TCAF1: variants seen among roughly 807,000 people sequenced by gnomAD.
TCAF1 encodes TRPM8 channel associated factor 1, also known as TRPM8 channel-associated factor 1.
TCAF1 carries 4 observed loss-of-function variants against 27.3 expected under a neutral mutation model. That is an observed-to-expected ratio of 0.15 (90% CI 0.07 to 0.34). TCAF1 has a LOEUF of 0.34. TCAF1 is among the 10% of genes least tolerant of loss of function. TCAF1 has a pLI of 1.00. For synonymous variants in TCAF1, 105 were observed against 167.1 expected, an observed-to-expected ratio of 0.63 and a Z score of 2.87; for missense variants, 257 against 425.8, an observed-to-expected ratio of 0.60 and a Z score of 3.49.
intron 1 of TCAF1, among the ~76,000 whole-genome samples, chr7:143,891,378 G>A (rs186140495): frequency 6.6e-6 from 1 of 152,064 alleles, no homozygotes; most frequent in East Asian, 1.9e-4. Flanking sequence ...TGATTCATAC[G>A]TTAAGAAATT....
intron 1 of TCAF1, among the ~76,000 whole-genome samples, chr7:143,883,417 AAAT>A (rs1001041357): frequency 2.0e-5 from 3 of 152,122 alleles, no homozygotes; most frequent in African/African-American, 7.2e-5. Context: ...TGTAAATTAA[AAAT>A]AATATACAGT....
intron 1 of TCAF1, among the ~76,000 whole-genome samples, chr7:143,895,762 C>A (rs1029992234): frequency 6.6e-6 from 1 of 151,326 alleles, no homozygotes; most frequent in Non-Finnish European, 1.5e-5. Flanking sequence ...TACTAAGGAT[C>A]AATTTAACTT....
chr7:143,860,026 AT>A (rs1563212267), intron 6 of TCAF1, among the ~76,000 whole-genome samples, 181 bp downstream of exon 6: 21,951 of 63,520 alleles, frequency 0.35, 7,087 homozygotes, highest in South Asian at 0.54. Context: ...TATATTATAT[AT>A]TATATATATA....
intron 2 of TCAF1, among the ~76,000 whole-genome samples, chr7:143,875,273 T>C (rs2116768282): frequency 6.6e-6 from 1 of 152,302 alleles, no homozygotes; most frequent in East Asian, 1.9e-4. Flanking sequence ...ATAATCCCTC[T>C]CATTCATTCA....
intron 1 of TCAF1, among the ~76,000 whole-genome samples, chr7:143,891,278 G>T (rs530982233): frequency 6.6e-6 from 1 of 152,144 alleles, no homozygotes; most frequent in African/African-American, 2.4e-5. Flanking sequence ...TAAAAAAACA[G>T]AATAAGTTGC....
At chr7:143,901,088 G>GA (rs1814091185) in intron 1 of TCAF1, among the ~76,000 whole-genome samples, 1 of 152,192 alleles carries the variant, frequency 6.6e-6, no homozygotes, top group African/African-American at 2.4e-5. Flanking sequence ...AAGGTACTGT[G>GA]ACGCCCTATT....
chr7:143,859,914 C>T (rs6959576), intron 6 of TCAF1, among the ~76,000 whole-genome samples: 24,683 of 36,072 alleles, frequency 0.68, 7,485 homozygotes, highest in South Asian at 0.78. Flanking sequence ...ATATATATTA[C>T]GGAATATATA....
At chr7:143,890,020 G>A (rs1227461584) in intron 1 of TCAF1, among the ~76,000 whole-genome samples, 5 of 147,792 alleles carry the variant, frequency 3.4e-5, no homozygotes, top group East Asian at 2.0e-4. Context: ...ACGGAGTCTC[G>A]CTCTGTTGCC....
At chr7:143,877,430 T>C (rs980862979) in intron 1 of TCAF1, among the ~76,000 whole-genome samples, 2 of 152,146 alleles carry the variant, frequency 1.3e-5, no homozygotes, top group Admixed American at 1.3e-4. Context: ...AAAAGGTTCT[T>C]TGGTCAAAGC....
intron 1 of TCAF1, among the ~76,000 whole-genome samples, chr7:143,888,232 G>A (rs538208450): frequency 6.6e-6 from 1 of 152,292 alleles, no homozygotes; most frequent in South Asian, 2.1e-4. Context: ...TAGGAAAGTA[G>A]AGAGTACACA....
chr7:143,878,355 A>T (rs181285106), intron 1 of TCAF1, among the ~76,000 whole-genome samples: 16 of 152,276 alleles, frequency 1.1e-4, no homozygotes, highest in Non-Finnish European at 2.4e-4. Context: ...TACCATACTA[A>T]TACTAACACT....
intron 1 of TCAF1, among the ~76,000 whole-genome samples, chr7:143,898,068 ATACTT>A (rs1554395877): frequency 1.3e-5 from 2 of 152,264 alleles, no homozygotes; most frequent in South Asian, 2.1e-4. Context: ...ATTAAATACT[ATACTT>A]TACTATGTTG....
chr7:143,882,632 C>A, intron 1 of TCAF1: 13 of 983,906 alleles, frequency 1.3e-5, no homozygotes, highest in Non-Finnish European at 1.6e-5. Context: ...CCCGCACCCC[C>A]GCCCCGGCCT....
chr7:143,882,382 G>C (rs1352740770), intron 1 of TCAF1: 1 of 985,256 alleles, frequency 1.0e-6, no homozygotes, highest in African/African-American at 1.7e-5. Flanking sequence ...CTTCTCATCC[G>C]ACAAAGCAGC....
intron 1 of TCAF1, among the ~76,000 whole-genome samples, chr7:143,895,598 ATTAT>A (rs1332533175): frequency 6.6e-6 from 1 of 151,686 alleles, no homozygotes; most frequent in Non-Finnish European, 1.5e-5. Context: ...CTGTACACTT[ATTAT>A]TTGTGAACCT....
At position 143,885,450 on chromosome 7, in the gene TCAF1, G is replaced by T. The variant is rs984233016; in HGVS notation, c.-14-8828C>A. ...TGGCCGCCGCCCCCGGACCGCAGAG[G>T]CCCGGCTTTGTGTCAGTTTCTACCC... On this transcript the variant is annotated intron_variant, in intron 1 of 8. Coordinates refer to ENST00000479870, the MANE Select transcript of TCAF1 (RefSeq NM_014719.3). 4.1e-6 allele frequency: 4 copies of T among 985,428 alleles called. No individual in the cohort carries two copies. The South Asian group carries it at 1.9e-4, about 46-fold the overall frequency. 61.0% of individuals were successfully genotyped at this position (985,428 alleles called of 1,614,324 possible).
chr7:143,898,033 A>T lies in TCAF1; in HGVS notation c.-15+3928T>A, dbSNP rs574993563. Among the ~76,000 whole-genome samples the T allele has an allele frequency of 1.8e-4, 27 of 152,290 alleles. No homozygotes were observed. The East Asian group carries it at 5.0e-3, about 28-fold the overall frequency. On this transcript the variant is annotated intron_variant, in intron 1 of 8. Coordinates refer to ENST00000479870, the MANE Select transcript of TCAF1 (RefSeq NM_014719.3). ...TTACCACAAAAGGTTTATTCCAAGAATACAAAATTGGTTTAATATCAGAAA... is the reference window on the plus strand; with the variant it reads ...TTACCACAAAAGGTTTATTCCAAGATTACAAAATTGGTTTAATATCAGAAA...
rs764991067 is a variant in TCAF1 at position 143,876,054 on chromosome 7, G to C, written c.555C>G (p.Asp185Glu). The change falls in exon 2 of 9, where the codon GAC becomes GAG. Residue 185 changes from aspartate (D) to glutamate (E), a missense_variant. Transcript: ENST00000479870. The stretch of plus-strand genomic sequence containing the variant: ...TAAAGAAACTCGTGTCCCCTTTGTT[G>C]TCAGTAAAGTAAATGCCAGCCACAC... Reference protein sequence around the residue: ...VTSVAGIYFTDNKGDTSFFKV... With the variant: ...VTSVAGIYFTENKGDTSFFKV... 6.2e-7 allele frequency: 1 copy of C among 1,606,570 alleles called. No homozygotes were observed. The highest frequency in any genetic ancestry group is 8.5e-7 in the Non-Finnish European group (1 of 1,175,744).
intron 1 of TCAF1, among the ~76,000 whole-genome samples, chr7:143,896,426 C>CA (rs975813053): frequency 2.6e-4 from 40 of 152,084 alleles, no homozygotes; most frequent in Admixed American, 2.1e-3. Flanking sequence ...CTGTAATTGG[C>CA]AACTCAAGCA....
Sources: allele counts gnomAD v4.1 joint callset (sites outside exome capture counted in the v4.1 genomes callset), GRCh38; gene constraint gnomAD v4.1.1; transcripts MANE v1.5; gene names NCBI Gene and HGNC (gene_info 2026-07-23, HGNC 2026-07-21).